The following XKR9 variants were observed in gnomAD, a reference collection of about 807,000 sequenced individuals.
XKR9 encodes XK-related protein 9.
XKR9 carries 32 observed loss-of-function variants against 32.0 expected under a neutral mutation model. The ratio of observed to expected loss-of-function variants is 1.00; its 90% confidence interval spans 0.76 to 1.34. The LOEUF is 1.34. Ranked by LOEUF, XKR9 falls within the 40% of genes most tolerant of loss-of-function variation. XKR9 has a pLI of 0.00. For synonymous variants in XKR9, 168 were observed against 143.4 expected (o/e 1.17, Z -1.22); for missense variants, 546 against 429.7 (o/e 1.27, Z -2.39).
chr8:70,942,272 C>A, the XKR9 span, among the ~76,000 whole-genome samples: 1 of 152,118 alleles, frequency 6.6e-6, no homozygotes, highest in African/African-American at 2.4e-5. Context: ...CACCCTGCAG[C>A]TAGTTAAAAA....
the XKR9 span, among the ~76,000 whole-genome samples, chr8:70,991,117 A>T: frequency 6.6e-6 from 1 of 152,104 alleles, no homozygotes. Flanking sequence ...AGTTTGGGGA[A>T]AGTAAGAAGA....
At chr8:70,754,952 A>C (rs1807197665) in intron 2 of XKR9, among the ~76,000 whole-genome samples, 2 of 152,124 alleles carry the variant, frequency 1.3e-5, no homozygotes, top group Non-Finnish European at 2.9e-5. Context: ...ACAGCAAAAG[A>C]AACTACCATC....
At chr8:71,006,363 T>G in the XKR9 span, among the ~76,000 whole-genome samples, 1 of 152,140 alleles carries the variant, frequency 6.6e-6, no homozygotes, top group African/African-American at 2.4e-5. Context: ...TAGCTATCAT[T>G]GGCGTTAGTA....
intron 4 of XKR9, among the ~76,000 whole-genome samples, chr8:70,731,395 T>G (rs747945384): frequency 8.5e-5 from 13 of 152,124 alleles, no homozygotes; most frequent in Non-Finnish European, 1.8e-4. Context: ...TGGAGCAACT[T>G]TTGATGACCC....
Position 70,669,347 on chromosome 8 carries a change from C to T in XKR9, c.-552C>T, listed in dbSNP as rs2132085952. The T allele has an allele frequency of 3.9e-6, 2 of 514,204 alleles. No homozygotes were observed. Among genetic ancestry groups the T allele is most frequent in the South Asian group, 2.4e-5 (1 of 41,234 alleles). 31.9% of individuals were successfully genotyped at this position (514,204 alleles called of 1,614,324 possible). The stretch of plus-strand genomic sequence containing the variant: ...GGGGGCGGTGCGGAACTAGAGGTCA[C>T]GTGACGCCGCGCGGGCTGCGCGGGC... On this transcript the variant is annotated 5_prime_UTR_variant, in exon 1 of 5. The change creates a new upstream start codon in the 5' untranslated region. Coordinates refer to ENST00000408926, the MANE Select transcript of XKR9 (RefSeq NM_001011720.2).
the XKR9 span, among the ~76,000 whole-genome samples, chr8:70,830,892 A>C: frequency 6.6e-6 from 1 of 152,216 alleles, no homozygotes; most frequent in East Asian, 1.9e-4. Flanking sequence ...CAGAGTTTGG[A>C]CATGAACCCA....
At chr8:70,692,100 C>T (rs574843878) in intron 3 of XKR9, among the ~76,000 whole-genome samples, 1 of 152,042 alleles carries the variant, frequency 6.6e-6, no homozygotes, top group East Asian at 1.9e-4. Context: ...AGTGTTTTGT[C>T]ATTCTCACTG....
chr8:71,050,236 G>GATATATAT, the XKR9 span, among the ~76,000 whole-genome samples: 2,758 of 122,966 alleles, frequency 0.022, 46 homozygotes, highest in Non-Finnish European at 0.034. Flanking sequence ...GCCTGGCAGA[G>GATATATAT]ATATATATAT....
the XKR9 span, among the ~76,000 whole-genome samples, chr8:70,949,721 A>G: frequency 1.9e-3 from 295 of 152,082 alleles, 1 homozygote; most frequent in Non-Finnish European, 3.2e-3. Flanking sequence ...AGGGAGAGAG[A>G]GACAGAGACA....
chr8:70,769,767 T>G (rs1346458574), intron 2 of XKR9, among the ~76,000 whole-genome samples: 1 of 152,000 alleles, frequency 6.6e-6, no homozygotes, highest in Non-Finnish European at 1.5e-5. Flanking sequence ...AAAGTTCTCA[T>G]GCTGTGTTTT....
the XKR9 span, among the ~76,000 whole-genome samples, chr8:71,052,770 C>T: frequency 6.6e-6 from 1 of 152,218 alleles, no homozygotes; most frequent in East Asian, 1.9e-4. Flanking sequence ...GAGTGGTCAT[C>T]CCGCAGATTG....
intron 2 of XKR9, among the ~76,000 whole-genome samples, chr8:70,756,155 C>G (rs1184103387): frequency 6.6e-6 from 1 of 152,130 alleles, no homozygotes; most frequent in Non-Finnish European, 1.5e-5. Context: ...TCTTGGCACC[C>G]TTATTGAAAA....
At chr8:71,064,634 A>G in the XKR9 span, among the ~76,000 whole-genome samples, 2 of 152,184 alleles carry the variant, frequency 1.3e-5, no homozygotes, top group Non-Finnish European at 2.9e-5. Context: ...TGGCACCGTG[A>G]ATAATCATTT....
At chr8:70,847,968 A>G in the XKR9 span, among the ~76,000 whole-genome samples, 1 of 152,076 alleles carries the variant, frequency 6.6e-6, no homozygotes, top group African/African-American at 2.4e-5. Context: ...CTTATTCTAC[A>G]AGGCCAACAC....
At chr8:70,690,280 G>T (rs762669817) in intron 3 of XKR9, among the ~76,000 whole-genome samples, 3 of 151,930 alleles carry the variant, frequency 2.0e-5, no homozygotes, top group Non-Finnish European at 4.4e-5. Context: ...AAGTAGATGC[G>T]TGTCAGTGTC....
intron 4 of XKR9, among the ~76,000 whole-genome samples, chr8:70,732,766 C>T (rs189752491): frequency 7.9e-5 from 12 of 152,238 alleles, no homozygotes; most frequent in African/African-American, 2.9e-4. Context: ...AAGGTCTTGT[C>T]CTCATTATCT....
the XKR9 span, among the ~76,000 whole-genome samples, chr8:70,895,418 C>G: frequency 1.3e-5 from 2 of 152,110 alleles, no homozygotes; most frequent in African/African-American, 2.4e-5. Flanking sequence ...TTAATTGGCT[C>G]TCTTGCTGAT....
the XKR9 span, among the ~76,000 whole-genome samples, chr8:70,924,259 A>T: frequency 6.6e-6 from 1 of 151,846 alleles, no homozygotes; most frequent in South Asian, 2.1e-4. Flanking sequence ...TCTCTCCTCA[A>T]CCCTGTCTCC....
At chr8:70,802,683 A>C in the XKR9 span, among the ~76,000 whole-genome samples, 1 of 152,228 alleles carries the variant, frequency 6.6e-6, no homozygotes, top group African/African-American at 2.4e-5. Context: ...GTGAAATAAA[A>C]TTCCCTTAGC....
Sources: gnomAD v4.1 joint callset for allele counts (sites outside exome capture counted in the v4.1 genomes callset) on GRCh38, gnomAD v4.1.1 for gene constraint, MANE v1.5 for transcripts, NCBI Gene and HGNC (gene_info 2026-07-23, HGNC 2026-07-21) for gene names.